CEP55: variants seen among roughly 807,000 people sequenced by gnomAD.
CEP55 encodes the protein centrosomal protein 55.
Under a neutral mutation model 63.2 loss-of-function variants are expected in CEP55, and 57 were observed. The observed-to-expected ratio is 0.90, with a 90% confidence interval of 0.73 to 1.13. The LOEUF (loss-of-function observed/expected upper bound fraction) is 1.13. CEP55 is among the 50% of genes most tolerant of loss of function. The pLI, the probability that CEP55 is intolerant of heterozygous loss-of-function variation, is 0.00. For synonymous variants in CEP55, 178 were observed against 191.6 expected (o/e 0.93, Z 0.59); for missense variants, 456 against 518.9 (o/e 0.88, Z 1.18).
rs1331605278 is a variant in CEP55, at chr10:93,515,348, A to G, written c.529-57A>G. On this transcript the variant is annotated intron_variant, in intron 4 of 8. Transcript: ENST00000371485. The stretch of plus-strand genomic sequence containing the variant: ...CTACATCACTTGGACTCTCTTGCCC[A>G]TTTTAAGATTTTGTTTTTTTATTTT... 12 of 1,513,056 alleles carry G rather than the reference A, an allele frequency of 7.9e-6. 1 individual carries two copies. In the South Asian group the frequency reaches 8.5e-5, roughly 11 times the overall value. 93.7% of individuals were successfully genotyped at this position (1,513,056 alleles called of 1,614,324 possible). A position where few individuals can be genotyped will look rare whatever the true frequency, so the allele number is the denominator to read the frequency against.
chr10:93,499,802 G>T (rs377699982), intron 1 of CEP55, among the ~76,000 whole-genome samples: 1 of 151,830 alleles, frequency 6.6e-6, no homozygotes, highest in Non-Finnish European at 1.5e-5. Flanking sequence ...CTACAGGCGT[G>T]AGCCACCGTA....
chr10:93,511,401 A>G (rs560363946), intron 4 of CEP55, among the ~76,000 whole-genome samples: 1 of 152,306 alleles, frequency 6.6e-6, no homozygotes, highest in South Asian at 2.1e-4. Flanking sequence ...TAATACAATC[A>G]ATATTTATGA....
intron 3 of CEP55, 77 bp downstream of exon 3, chr10:93,503,465 G>T (rs1490730273): frequency 2.9e-6 from 4 of 1,363,982 alleles, no homozygotes; most frequent in Non-Finnish European, 4.0e-6. Context: ...GAATGAGTTT[G>T]TTAAGACATG....
chr10:93,497,293 T>C (rs973581783), intron 1 of CEP55, among the ~76,000 whole-genome samples: 7 of 151,922 alleles, frequency 4.6e-5, no homozygotes, highest in African/African-American at 1.7e-4. Flanking sequence ...TGAGATGGAG[T>C]CTCGCTCTGT....
At chr10:93,517,718 T>C (rs776063124) in intron 6 of CEP55, among the ~76,000 whole-genome samples, 3 of 152,278 alleles carry the variant, frequency 2.0e-5, no homozygotes, top group Non-Finnish European at 4.4e-5. Context: ...GTTCTTGTTA[T>C]GCTCATAGCC....
rs1248274350 is a variant in CEP55 at position 93,528,785 on chromosome 10, A to G, written c.*632A>G. On this transcript the variant is annotated 3_prime_UTR_variant, in exon 9 of 9. Coordinates refer to ENST00000371485, the MANE Select transcript of CEP55 (RefSeq NM_018131.5). ...GCATAATCTTAAGTGGCCACACACA[A>G]TGTTTTCTCTTATGTTATCTGGCAG... 4.6e-5 allele frequency: 7 copies of G among 152,412 alleles called. No individual in the cohort carries two copies. The East Asian group carries it at 1.2e-3, about 25-fold the overall frequency. The allele number at this position is 152,412 out of a possible 1,614,324, so 9.4% of individuals were successfully genotyped here. A position where few individuals can be genotyped will look rare whatever the true frequency, so the allele number is the denominator to read the frequency against.
At chr10:93,518,532 T>C (rs1439996477) in intron 6 of CEP55, among the ~76,000 whole-genome samples, 1 of 152,176 alleles carries the variant, frequency 6.6e-6, no homozygotes, top group Non-Finnish European at 1.5e-5. Context: ...GTCTGCTGAT[T>C]AAATTTTGCT....
chr10:93,500,260 T>C (rs1320367997), intron 2 of CEP55, 26 bp downstream of exon 2: 2 of 1,564,884 alleles, frequency 1.3e-6, no homozygotes, highest in Non-Finnish European at 1.7e-6. Context: ...ATCCTTTAAA[T>C]TGTAAGCTCT....
At chr10:93,517,457 C>A (rs1018185062) in intron 6 of CEP55, among the ~76,000 whole-genome samples, 3 of 152,086 alleles carry the variant, frequency 2.0e-5, no homozygotes, top group Non-Finnish European at 4.4e-5. Context: ...AAATTGGGGA[C>A]CAGTGGAGGC....
intron 3 of CEP55, among the ~76,000 whole-genome samples, chr10:93,504,924 G>C (rs2057672398): frequency 1.3e-5 from 2 of 152,214 alleles, no homozygotes; most frequent in East Asian, 3.9e-4. Context: ...TAATTCTCCT[G>C]CCTCAGCCTC....
At chr10:93,517,315 G>A (rs2134484949) in intron 6 of CEP55, 67 bp downstream of exon 6, 1 of 1,316,912 alleles carries the variant, frequency 7.6e-7, no homozygotes, top group Non-Finnish European at 1.0e-6. Context: ...GGGACTATTT[G>A]ACCACTAGAG....
intron 8 of CEP55, among the ~76,000 whole-genome samples, chr10:93,520,452 A>T (rs901030355): frequency 6.6e-6 from 1 of 151,918 alleles, no homozygotes; most frequent in Non-Finnish European, 1.5e-5. Flanking sequence ...AGAAAAAGAA[A>T]AAAATGCTGT....
intron 8 of CEP55, chr10:93,520,180 C>A (rs1028549390): frequency 1.8e-5 from 4 of 221,994 alleles, no homozygotes; most frequent in Non-Finnish European, 3.6e-5. Context: ...TTAATCCCAG[C>A]GCTTTGGGAG....
At position 93,528,243 on chromosome 10, in the gene CEP55, G is replaced by A. The variant is rs2057944935; in HGVS notation, c.*90G>A. The A allele has an allele frequency of 1.8e-6, 2 of 1,100,360 alleles. No homozygotes were observed. Among genetic ancestry groups the A allele is most frequent in the Admixed American group, 4.2e-5 (2 of 48,138 alleles). The allele number at this position is 1,100,360 out of a possible 1,614,324, so 68.2% of individuals were successfully genotyped here. The stretch of plus-strand genomic sequence containing the variant: ...TTTTGAATTATATATTTCACATTTT[G>A]CATAAAACTGCCTATCTACCTTTGA... On this transcript the variant is annotated 3_prime_UTR_variant, in exon 9 of 9. Transcript: ENST00000371485.
At chr10:93,497,865 T>G (rs1454521080) in intron 1 of CEP55, among the ~76,000 whole-genome samples, 4 of 151,356 alleles carry the variant, frequency 2.6e-5, no homozygotes, top group Non-Finnish European at 5.9e-5. Flanking sequence ...ACGCCTGTAA[T>G]CCCAGCACTT....
chr10:93,523,171 A>T (rs1239517313), intron 8 of CEP55, among the ~76,000 whole-genome samples: 2 of 152,166 alleles, frequency 1.3e-5, no homozygotes, highest in African/African-American at 4.8e-5. Flanking sequence ...AAGACCCATC[A>T]GTGTGCTGTA....
At chr10:93,499,584 C>T (rs571800182) in intron 1 of CEP55, among the ~76,000 whole-genome samples, 2 of 139,964 alleles carry the variant, frequency 1.4e-5, no homozygotes, top group African/African-American at 2.7e-5. Context: ...TACATTGGTG[C>T]GATCTTGGCT....
intron 8 of CEP55, among the ~76,000 whole-genome samples, chr10:93,524,310 C>T (rs1441784241): frequency 3.3e-5 from 5 of 152,156 alleles, no homozygotes. Context: ...ACTATAAACA[C>T]CTCTACGCAA....
chr10:93,527,887 A>T, intron 8 of CEP55, 63 bp from the exon 9 acceptor site: 1 of 1,109,808 alleles, frequency 9.0e-7, no homozygotes, highest in South Asian at 1.6e-5. Flanking sequence ...TCAAAAAAAG[A>T]AAAAAAAAAA....
Sources: gnomAD v4.1 joint callset for allele counts (sites outside exome capture counted in the v4.1 genomes callset) on GRCh38, gnomAD v4.1.1 for gene constraint, MANE v1.5 for transcripts, NCBI Gene and HGNC (gene_info 2026-07-23, HGNC 2026-07-21) for gene names.